PDS5B: variants seen among roughly 807,000 people sequenced by gnomAD.
The protein encoded by PDS5B is PDS5 cohesin associated factor B.
PDS5B carries 51 observed loss-of-function variants against 184.1 expected under a neutral mutation model. The observed-to-expected ratio is 0.28, with a 90% CI of 0.22 to 0.35. PDS5B has a LOEUF of 0.35. Among genes scored for constraint, PDS5B ranks in the 10% least tolerant of loss-of-function variants. The pLI is 1.00. For synonymous variants in PDS5B, 566 were observed against 569.2 expected (o/e 0.99, Z 0.08); for missense variants, 1,180 against 1,723.3 (o/e 0.68, Z 5.58).
In PDS5B at chr13:32,741,081, T is replaced by C; in HGVS notation, c.2408T>C (p.Leu803Pro). Reference protein sequence around the residue: ...IVKDLLMNDRLPGKKTTKLWV... With the variant: ...IVKDLLMNDRPPGKKTTKLWV... ...TTTTTTTTTCTCGTTTATTTTTAGC[T>C]TCCAGGGAAAAAGACAACTAAACTT... is the stretch of plus-strand genomic sequence containing the variant. Residue 803 changes from leucine (L) to proline (P), a missense_variant and splice_region_variant, in exon 22 of 35, where the codon CTT (leucine) becomes CCT (proline). Physicochemically the swap from Leu to Pro is moderately conservative, Grantham distance 98. Coordinates refer to ENST00000315596, the MANE Select transcript of PDS5B (RefSeq NM_015032.4). The C allele has an allele frequency of 6.6e-7, 1 of 1,514,628 alleles. No homozygotes were observed. Among genetic ancestry groups the C allele is most frequent in the Non-Finnish European group, 9.1e-7 (1 of 1,103,910 alleles). 93.8% of individuals were successfully genotyped at this position (1,514,628 alleles called of 1,614,324 possible). A position where few individuals can be genotyped will look rare whatever the true frequency, so the allele number is the denominator to read the frequency against.
rs751547227 is a variant in PDS5B at position 32,764,563 on chromosome 13, G to A, written c.3593G>A (p.Ser1198Asn). 3 of 1,603,332 alleles carry A rather than the reference G, an allele frequency of 1.9e-6. No individual in the cohort carries two copies. The African/African-American group carries it at 4.0e-5, about 21-fold the overall frequency. Residue 1198 changes from serine (S) to asparagine (N), a missense_variant, in exon 31 of 35, where the codon AGT becomes AAT. Transcript: ENST00000315596. ...TMSSPLPGKKSDKRDDSDLVR... is the reference protein window; with the variant it reads ...TMSSPLPGKKNDKRDDSDLVR... ...TCTTCACCTTTGCCGGGGAAAAAAA[G>A]TGACAAGAGAGACGACTCTGATCTT... is the stretch of plus-strand genomic sequence containing the variant.
rs777677873 is a variant in PDS5B, at chr13:32,770,284, A to G, written c.3788A>G (p.Gln1263Arg). Residue 1263 changes from glutamine to arginine, a missense_variant, in exon 32 of 35, where the codon CAG becomes CGG. This residue lies in a region of PDS5B where 465 missense variants were observed against 497.8 expected (regional missense o/e 0.93). Coordinates refer to ENST00000315596, the MANE Select transcript of PDS5B (RefSeq NM_015032.4). ...GHTASESDEQ[Q>R]WPEEKRLKED... Reference sequence around the variant, plus strand: ...ACGGCTTCAGAATCTGATGAACAGCAGTGGCCTGAGGAAAAGAGGCTCAAA... The same window carrying G: ...ACGGCTTCAGAATCTGATGAACAGCGGTGGCCTGAGGAAAAGAGGCTCAAA... The G allele has an allele frequency of 1.2e-6, 2 of 1,614,092 alleles. No individual in the cohort carries two copies. The highest frequency in any genetic ancestry group is 2.2e-5 in the East Asian group (1 of 44,854).
At position 32,616,394 on chromosome 13, in the gene PDS5B, C is replaced by T. The variant is rs567819570; in HGVS notation, c.-20+29801C>T. ...AAAATTTTTTTATACTTTAAAAACACGAATGGGATCATACTATGGATACTA... is the reference window on the plus strand; with the variant it reads ...AAAATTTTTTTATACTTTAAAAACATGAATGGGATCATACTATGGATACTA... On this transcript the variant is annotated intron_variant, in intron 1 of 34. Coordinates refer to ENST00000315596, the MANE Select transcript of PDS5B (RefSeq NM_015032.4). Among the ~76,000 whole-genome samples the T allele has an allele frequency of 4.6e-5, 7 of 151,898 alleles. No individual in the cohort carries two copies. The East Asian group carries it at 9.6e-4, about 21-fold the overall frequency.
At chr13:32,759,360 C>T (rs888499100) in intron 28 of PDS5B, among the ~76,000 whole-genome samples, 1 of 152,094 alleles carries the variant, frequency 6.6e-6, no homozygotes. Context: ...GGTCTTTCCC[C>T]TGAAGGGTGT....
chr13:32,659,388 A>T, intron 6 of PDS5B, 108 bp downstream of exon 6: 1 of 769,378 alleles, frequency 1.3e-6, no homozygotes, highest in Non-Finnish European at 1.9e-6. Context: ...CTTTTAGAGA[A>T]TCTGTTGGTT....
chr13:32,729,595 C>CTATT (rs1391360822), intron 19 of PDS5B, among the ~76,000 whole-genome samples: 1 of 152,186 alleles, frequency 6.6e-6, no homozygotes, highest in Non-Finnish European at 1.5e-5. Flanking sequence ...TCTCCACATC[C>CTATT]TCTCCAGCAT....
intron 1 of PDS5B, among the ~76,000 whole-genome samples, chr13:32,641,056 CAAAA>C (rs71194532): frequency 3.2e-5 from 3 of 95,016 alleles, no homozygotes; most frequent in Admixed American, 1.0e-4. Context: ...GACTCCGTCT[CAAAA>C]AAAAAAAAAA....
chr13:32,624,455 TAAAG>T (rs1286325146), intron 1 of PDS5B, among the ~76,000 whole-genome samples: 1 of 152,198 alleles, frequency 6.6e-6, no homozygotes, highest in Admixed American at 6.5e-5. Context: ...TACTTTTCAT[TAAAG>T]TATTTATTAC....
chr13:32,735,284 C>A lies in PDS5B; in HGVS notation c.2360C>A (p.Ser787Tyr). 6.2e-7 allele frequency: 1 copy of A among 1,612,126 alleles called. No individual in the cohort carries two copies. The highest frequency in any genetic ancestry group is 8.5e-7 in the Non-Finnish European group (1 of 1,178,694). Reference protein sequence around the residue: ...APDQFAAPLKSLVATFIVKDL... With the variant: ...APDQFAAPLKYLVATFIVKDL... ...GATCAATTTGCTGCTCCTTTGAAATCTTTGGTAGCTACTTTCATTGTGAAA... is the reference window on the plus strand; with the variant it reads ...GATCAATTTGCTGCTCCTTTGAAATATTTGGTAGCTACTTTCATTGTGAAA... Residue 787 changes from serine to tyrosine, a missense_variant, in exon 21 of 35, where the codon TCT becomes TAT. Physicochemically the swap from Ser to Tyr is moderately radical, Grantham distance 144 (BLOSUM62 -2). Around this residue, in one of 11 missense-constraint regions of PDS5B, gnomAD observed 475 missense variants for 691.5 expected, o/e 0.69. Transcript: ENST00000315596.
In PDS5B at chr13:32,694,244, A is replaced by G. The variant is rs963004024; in HGVS notation, c.1491A>G (p.Lys497=). 3 of 1,603,628 alleles carry G rather than the reference A, an allele frequency of 1.9e-6. No individual in the cohort carries two copies. The African/African-American group carries it at 4.0e-5, about 22-fold the overall frequency. ...NAVKALNEMW[K]CQNLLRHQVK... ...TCAGAGCATTGAATGAAATGTGGAA[A>G]TGTCAAAATCTGCTCCGACATCAAG... Residue 497 remains lysine, a synonymous_variant, in exon 14 of 35, where the codon AAA becomes AAG. Coordinates refer to ENST00000315596, the MANE Select transcript of PDS5B (RefSeq NM_015032.4).
Position 32,648,823 on chromosome 13 carries a change from T to C in PDS5B, c.51T>C (p.Pro17=). The change falls in exon 2 of 35, where the codon CCT becomes CCC. Residue 17 remains proline, a synonymous_variant. Transcript: ENST00000315596. The stretch of plus-strand genomic sequence containing the variant: ...ATGATGGAAAAATTACATATCCGCC[T>C]GGGGTCAAGGAAATATCAGATAAAA... The part of the protein sequence containing the change: ...RTNDGKITYP[P]GVKEISDKIS... 6.4e-7 allele frequency: 1 copy of C among 1,567,742 alleles called. No homozygotes were observed. The highest frequency in any genetic ancestry group is 1.1e-5 in the South Asian group (1 of 90,152).
chr13:32,721,491 G>A (rs748933782), intron 19 of PDS5B, among the ~76,000 whole-genome samples: 160 of 150,630 alleles, frequency 1.1e-3, no homozygotes, highest in Non-Finnish European at 3.6e-4. Context: ...AGACGGGGTC[G>A]TGGCCGGGCA....
intron 8 of PDS5B, 42 bp from the exon 9 acceptor site, chr13:32,675,802 T>A: frequency 1.7e-6 from 2 of 1,180,098 alleles, no homozygotes; most frequent in Non-Finnish European, 2.5e-6. Flanking sequence ...ATTCTGAATA[T>A]CTACTGCATG....
intron 1 of PDS5B, among the ~76,000 whole-genome samples, chr13:32,633,324 A>G (rs542764064): frequency 3.3e-5 from 5 of 152,184 alleles, no homozygotes; most frequent in Non-Finnish European, 5.9e-5. Flanking sequence ...TATATTTTAC[A>G]TAAAAAAAGT....
chr13:32,721,978 C>A (rs907765321), intron 19 of PDS5B, among the ~76,000 whole-genome samples: 13 of 152,266 alleles, frequency 8.5e-5, no homozygotes, highest in Admixed American at 2.0e-4. Flanking sequence ...AGGCTGCAAT[C>A]TCAGCACTTT....
At chr13:32,640,166 G>A (rs1276154415) in intron 1 of PDS5B, among the ~76,000 whole-genome samples, 2 of 152,132 alleles carry the variant, frequency 1.3e-5, no homozygotes, top group Admixed American at 1.3e-4. Flanking sequence ...TGTACTCAGT[G>A]TGATTAAAAG....
chr13:32,665,551 T>G (rs1464582756), intron 6 of PDS5B, among the ~76,000 whole-genome samples: 1 of 117,434 alleles, frequency 8.5e-6, no homozygotes, highest in South Asian at 2.8e-4. Context: ...ATTGTTCCAC[T>G]GCACTCCATC....
rs929996909 is a variant in PDS5B at position 32,629,971 on chromosome 13, A to G, written c.-19-18783A>G. Among the ~76,000 whole-genome samples, 7 of 152,364 alleles carry G rather than the reference A, an allele frequency of 4.6e-5. No homozygotes were observed. In the South Asian group the frequency reaches 8.3e-4, roughly 18 times the overall value. On this transcript the variant is annotated intron_variant, in intron 1 of 34. Transcript: ENST00000315596. ...TTTAATGGGTTACTTAATGAAAGCC[A>G]AAAAGAAAAGAAAGAAGATACCCAA...
chr13:32,688,755 A>G (rs1951465613), intron 13 of PDS5B, 186 bp downstream of exon 13: 1 of 496,598 alleles, frequency 2.0e-6, no homozygotes, highest in Non-Finnish European at 3.6e-6. Flanking sequence ...AGACTAAGCC[A>G]TTACAAGCAA....
Sources: gnomAD v4.1 joint callset for allele counts (sites outside exome capture counted in the v4.1 genomes callset) on GRCh38, gnomAD v4.1.1 for gene constraint, gnomAD v4.1.1 regional missense constraint, MANE v1.5 for transcripts, NCBI Gene and HGNC (gene_info 2026-07-23, HGNC 2026-07-21) for gene names.